MALRD1: variants seen among roughly 807,000 people sequenced by gnomAD.
MALRD1 encodes MAM and LDL receptor class A domain containing 1.
MALRD1 carries 247 observed loss-of-function variants against 242.1 expected under a neutral mutation model. The observed-to-expected ratio is 1.02, with a 90% CI of 0.92 to 1.13. MALRD1 has a LOEUF of 1.13. Among genes scored for constraint, MALRD1 ranks in the 50% most tolerant of loss-of-function variants. MALRD1 has a pLI of 0.00. For synonymous variants in MALRD1, 995 were observed against 866.6 expected (o/e 1.15, Z -2.60); for missense variants, 2,989 against 2,533.1 (o/e 1.18, Z -3.86).
chr10:19,386,464 C>A (rs1346215621), intron 26 of MALRD1, among the ~76,000 whole-genome samples: 1 of 151,884 alleles, frequency 6.6e-6, no homozygotes, highest in African/African-American at 2.4e-5. Flanking sequence ...AAATGTGAAG[C>A]TGATATCCCA....
At chr10:19,484,425 T>A (rs1564380768) in intron 29 of MALRD1, among the ~76,000 whole-genome samples, 1 of 152,202 alleles carries the variant, frequency 6.6e-6, no homozygotes. Flanking sequence ...TCAGTTTTTT[T>A]AAAGAATAAA....
chr10:19,644,316 A>G (rs891775707), intron 36 of MALRD1, among the ~76,000 whole-genome samples: 4 of 152,180 alleles, frequency 2.6e-5, no homozygotes, highest in African/African-American at 9.6e-5. Context: ...TCCTGAGCTC[A>G]TTTTAGATAC....
At chr10:19,535,498 CATAT>C (rs902102557) in intron 32 of MALRD1, among the ~76,000 whole-genome samples, 2 of 147,754 alleles carry the variant, frequency 1.4e-5, no homozygotes, top group Non-Finnish European at 3.0e-5. Context: ...TACATATACA[CATAT>C]ATATACACAT....
chr10:19,482,612 C>T (rs1379739974), intron 29 of MALRD1, among the ~76,000 whole-genome samples: 1 of 149,076 alleles, frequency 6.7e-6, no homozygotes, highest in Non-Finnish European at 1.5e-5. Flanking sequence ...AAGGTTCAAG[C>T]TGAGACCTAA....
chr10:19,564,022 T>C (rs1016702526), intron 32 of MALRD1, among the ~76,000 whole-genome samples: 7 of 152,352 alleles, frequency 4.6e-5, no homozygotes, highest in Admixed American at 1.3e-4. Flanking sequence ...AAAAAGATTC[T>C]TGAAGCCTCC....
intron 32 of MALRD1, among the ~76,000 whole-genome samples, chr10:19,563,664 G>C (rs1836112192): frequency 6.6e-6 from 1 of 152,302 alleles, no homozygotes; most frequent in Middle Eastern, 3.4e-3. Context: ...CAGGCACCAG[G>C]AGTGTTTGGA....
At chr10:19,565,736 T>C (rs1244487419) in intron 32 of MALRD1, among the ~76,000 whole-genome samples, 1 of 152,198 alleles carries the variant, frequency 6.6e-6, no homozygotes. Context: ...CCCTTCTGAT[T>C]GAATCTTAGC....
chr10:19,237,575 TAATTATAATTATATAATTATATAATTA>T (rs1488988694), intron 18 of MALRD1, among the ~76,000 whole-genome samples: 10,793 of 38,752 alleles, frequency 0.28, 580 homozygotes, highest in Non-Finnish European at 0.3. Flanking sequence ...AAATTATATA[TAATTATAATTATATAATTATATAATTA>T]TAATTATAAT....
At chr10:19,216,556 A>G (rs1464359854) in intron 18 of MALRD1, among the ~76,000 whole-genome samples, 1 of 151,916 alleles carries the variant, frequency 6.6e-6, no homozygotes, top group Non-Finnish European at 1.5e-5. Flanking sequence ...AGATGTTATC[A>G]TAGTGTGTTA....
intron 29 of MALRD1, among the ~76,000 whole-genome samples, chr10:19,466,630 A>G (rs113003301): frequency 6.6e-6 from 1 of 152,150 alleles, no homozygotes; most frequent in African/African-American, 2.4e-5. Context: ...TGTTATTACA[A>G]GTTCTTTCCT....
intron 19 of MALRD1, among the ~76,000 whole-genome samples, chr10:19,275,328 G>T (rs560995963): frequency 9.2e-5 from 14 of 152,244 alleles, no homozygotes; most frequent in Admixed American, 7.2e-4. Flanking sequence ...AATTCGCTGG[G>T]CTTCTGTCCT....
chr10:19,254,203 A>T (rs1027610607), intron 18 of MALRD1, among the ~76,000 whole-genome samples: 14 of 152,008 alleles, frequency 9.2e-5, no homozygotes, highest in Admixed American at 7.2e-4. Context: ...GCATAAAAGG[A>T]GCTGATAAAT....
At chr10:19,389,394 C>T in intron 27 of MALRD1, 58 bp from the exon 28 acceptor site, 2 of 1,502,622 alleles carry the variant, frequency 1.3e-6, no homozygotes, top group East Asian at 2.5e-5. Flanking sequence ...GATGGAAATG[C>T]AAAAATAATC....
chr10:19,499,019 C>T (rs995555067), intron 31 of MALRD1, among the ~76,000 whole-genome samples: 1 of 152,048 alleles, frequency 6.6e-6, no homozygotes, highest in African/African-American at 2.4e-5. Context: ...TGACAATGGC[C>T]AGTCACAACA....
At chr10:19,386,321 T>C (rs953019469) in intron 26 of MALRD1, among the ~76,000 whole-genome samples, 3 of 151,912 alleles carry the variant, frequency 2.0e-5, no homozygotes, top group African/African-American at 7.3e-5. Context: ...GTAACTTGCC[T>C]CCAGAGGTTC....
At chr10:19,377,524 A>G (rs1845660762) in intron 26 of MALRD1, among the ~76,000 whole-genome samples, 1 of 152,120 alleles carries the variant, frequency 6.6e-6, no homozygotes, top group Non-Finnish European at 1.5e-5. Context: ...TTCATCTGTA[A>G]AATGAGGTTA....
intron 14 of MALRD1, among the ~76,000 whole-genome samples, chr10:19,197,971 T>C (rs1836342176): frequency 6.6e-6 from 1 of 152,208 alleles, no homozygotes; most frequent in Non-Finnish European, 1.5e-5. Flanking sequence ...GAGCACATAG[T>C]GGTTTTTACT....
chr10:19,158,168 G>A (rs1354132429), intron 12 of MALRD1, among the ~76,000 whole-genome samples: 3 of 152,202 alleles, frequency 2.0e-5, no homozygotes, highest in South Asian at 2.1e-4. Flanking sequence ...GGGGATTAAT[G>A]TGGGTACTAA....
chr10:19,319,446 G>A (rs1842832630), intron 21 of MALRD1, among the ~76,000 whole-genome samples: 2 of 151,994 alleles, frequency 1.3e-5, no homozygotes, highest in South Asian at 4.1e-4. Flanking sequence ...AAATACATGT[G>A]GATCTGTTTC....
Sources: gnomAD v4.1 joint callset for allele counts (sites outside exome capture counted in the v4.1 genomes callset) on GRCh38, gnomAD v4.1.1 for gene constraint, MANE v1.5 for transcripts, NCBI Gene and HGNC (gene_info 2026-07-23, HGNC 2026-07-21) for gene names.